Variants in MOCS1 observed in about 807,000 individuals in gnomAD.
MOCS1 encodes molybdenum cofactor synthesis 1.
In MOCS1, 39 loss-of-function variants were observed where a neutral mutation model predicts 57.6. The ratio of observed to expected loss-of-function variants is 0.68; its 90% CI spans 0.52 to 0.88. MOCS1 has a LOEUF of 0.88. Among genes scored for constraint, MOCS1 ranks in the 40% least tolerant of loss-of-function variants. The pLI is 0.00. For synonymous variants in MOCS1, 334 were observed against 335.7 expected, an observed-to-expected ratio of 1.00 and a Z score of 0.05; for missense variants, 795 against 831.1, an observed-to-expected ratio of 0.96 and a Z score of 0.53.
intron 1 of MOCS1, chr6:39,927,722 A>T (rs968760328): frequency 2.0e-6 from 3 of 1,528,142 alleles, no homozygotes; most frequent in Admixed American, 2.0e-5. Flanking sequence ...CTGGCTGGGC[A>T]GCAAGGTGGA....
Position 39,905,052 on chromosome 6 carries a change from G to T in MOCS1, c.*1305C>A, listed in dbSNP as rs7744483. The T allele has an allele frequency of 4.6e-5, 21 of 454,126 alleles. No homozygotes were observed. Among genetic ancestry groups the T allele is most frequent in the African/African-American group, 4.2e-4 (21 of 50,106 alleles). The allele number at this position is 454,126 out of a possible 1,614,324, so 28.1% of individuals were successfully genotyped here. A position where few individuals can be genotyped will look rare whatever the true frequency, so the allele number is the denominator to read the frequency against. ...CATGGGAGTATTTATATCACAAATT[G>T]TCTTTTCCAGAGAGCTGGTTGTTTA... On this transcript the variant is annotated 3_prime_UTR_variant, in exon 11 of 11. Coordinates refer to ENST00000340692, the MANE Select transcript of MOCS1 (RefSeq NM_001358530.2).
At chr6:39,918,159 G>A (rs1767768014) in intron 3 of MOCS1, among the ~76,000 whole-genome samples, 1 of 152,176 alleles carries the variant, frequency 6.6e-6, no homozygotes, top group South Asian at 2.1e-4. Flanking sequence ...AATTTTAGCT[G>A]ACCTTTGCTA....
In MOCS1 at chr6:39,904,605, G is replaced by C. The variant is rs1291765153; in HGVS notation, c.*1752C>G. On this transcript the variant is annotated 3_prime_UTR_variant, in exon 11 of 11. Transcript: ENST00000340692. ...AATAAAGTGTTTAGGGCAGTGGGAG[G>C]AGAAAATTCTCCAGGTGAATGGGGA... 8.8e-6 allele frequency: 4 copies of C among 454,166 alleles called. No individual in the cohort carries two copies. The East Asian group carries it at 2.8e-4, about 32-fold the overall frequency. 28.1% of individuals were successfully genotyped at this position (454,166 alleles called of 1,614,324 possible). A position where few individuals can be genotyped will look rare whatever the true frequency, so the allele number is the denominator to read the frequency against.
rs1562090649 is a variant in MOCS1, at chr6:39,913,802, G to T, written c.617C>A (p.Ala206Asp). Residue 206 changes from alanine to aspartate, a missense_variant, in exon 5 of 11, where the codon GCC becomes GAC. Physicochemically the swap from Ala to Asp is moderately radical, Grantham distance 126. Around this residue, in one of 3 missense-constraint regions of MOCS1, gnomAD observed 416 missense variants for 392.4 expected, o/e 1.06. Coordinates refer to ENST00000340692, the MANE Select transcript of MOCS1 (RefSeq NM_001358530.2). ...FHKVMEGIHK[A>D]IELGYNPVKV... ...CACAGGGTTGTAGCCCAGCTCGATG[G>T]CCTTGTGGATGCCCTCCATGACCTT... The T allele has an allele frequency of 1.2e-6, 2 of 1,614,192 alleles. No individual in the cohort carries two copies. Among genetic ancestry groups the T allele is most frequent in the South Asian group, 2.2e-5 (2 of 91,080 alleles).
intron 3 of MOCS1, among the ~76,000 whole-genome samples, chr6:39,917,982 CAAG>C (rs1395616912): frequency 6.6e-6 from 1 of 152,104 alleles, no homozygotes; most frequent in African/African-American, 2.4e-5. Flanking sequence ...CATTCAAATC[CAAG>C]AAGATCTAGA....
rs2149391480 is a variant in MOCS1, at chr6:39,904,702, C to T, written c.*1655G>A. 2 of 454,106 alleles carry T rather than the reference C, an allele frequency of 4.4e-6. No homozygotes were observed. The highest frequency in any genetic ancestry group is 4.0e-5 in the African/African-American group (2 of 50,102). 28.1% of individuals were successfully genotyped at this position (454,106 alleles called of 1,614,324 possible). On this transcript the variant is annotated 3_prime_UTR_variant, in exon 11 of 11. Coordinates refer to ENST00000340692, the MANE Select transcript of MOCS1 (RefSeq NM_001358530.2). Reference sequence around the variant, plus strand: ...TGGGGAACTGTGACTATCTATCTCCCCCGACTTCTACCAGGGATGCCTTCA... The same window carrying T: ...TGGGGAACTGTGACTATCTATCTCCTCCGACTTCTACCAGGGATGCCTTCA...
chr6:39,923,244 T>A (rs756057894), intron 3 of MOCS1, among the ~76,000 whole-genome samples: 1 of 152,134 alleles, frequency 6.6e-6, no homozygotes, highest in Non-Finnish European at 1.5e-5. Flanking sequence ...CCAGGGCCAA[T>A]AACCACAGAA....
intron 3 of MOCS1, among the ~76,000 whole-genome samples, chr6:39,919,454 C>T (rs1438059113): frequency 6.6e-6 from 1 of 151,954 alleles, no homozygotes; most frequent in Non-Finnish European, 1.5e-5. Flanking sequence ...TGTCATTGCA[C>T]TCCAGCCTGG....
chr6:39,934,402 G>A lies in MOCS1; in HGVS notation c.16C>T (p.Leu6=). The change falls in exon 1 of 11, where the codon CTG becomes TTG. Residue 6 remains leucine, a synonymous_variant. Coordinates refer to ENST00000340692, the MANE Select transcript of MOCS1 (RefSeq NM_001358530.2). ...AGAAGCCGCCGCAGCATCCGGGACA[G>A]TGGCCGCGCCGCCATGAAGCCTGAT... The part of the protein sequence containing the change: MAARP[L]SRMLRRLLRS... The A allele has an allele frequency of 6.4e-7, 1 of 1,566,204 alleles. No individual in the cohort carries two copies. The highest frequency in any genetic ancestry group is 8.6e-7 in the Non-Finnish European group (1 of 1,161,116).
chr6:39,906,562 T>C lies in MOCS1; in HGVS notation c.1706A>G (p.Asp569Gly), dbSNP rs1234637011. ...LSHIQVQLEL[D>G]STRHAVKIQA... The stretch of plus-strand genomic sequence containing the variant: ...GATCTTCACGGCATGGCGTGTGCTG[T>C]CCAGCTCCAGCTGCACCTGGATGTG... The change falls in exon 11 of 11, where the codon GAC becomes GGC. Residue 569 changes from aspartate (D) to glycine (G), a missense_variant. Asp to Gly is a moderately conservative substitution (Grantham distance 94, BLOSUM62 -1). Coordinates refer to ENST00000340692, the MANE Select transcript of MOCS1 (RefSeq NM_001358530.2). 6.2e-7 allele frequency: 1 copy of C among 1,613,802 alleles called. No individual in the cohort carries two copies. Among genetic ancestry groups the C allele is most frequent in the East Asian group, 2.2e-5 (1 of 44,884 alleles).
chr6:39,931,486 G>A (rs1768640922), intron 1 of MOCS1, among the ~76,000 whole-genome samples: 1 of 152,116 alleles, frequency 6.6e-6, no homozygotes, highest in Admixed American at 6.6e-5. Flanking sequence ...CCAACAAAGA[G>A]CCTAGCCTAG....
At chr6:39,931,004 A>G (rs1345818734) in intron 1 of MOCS1, among the ~76,000 whole-genome samples, 1 of 152,204 alleles carries the variant, frequency 6.6e-6, no homozygotes, top group African/African-American at 2.4e-5. Flanking sequence ...CTAGTTTGTC[A>G]GCTTCCCTTC....
intron 3 of MOCS1, 43 bp downstream of exon 3, chr6:39,925,635 A>C (rs1768234439): frequency 1.2e-5 from 20 of 1,610,720 alleles, no homozygotes; most frequent in Non-Finnish European, 1.7e-5. Flanking sequence ...CAGCCGGATG[A>C]GGCAGCGCTG....
intron 2 of MOCS1, among the ~76,000 whole-genome samples, chr6:39,926,053 T>C (rs1937223406): frequency 6.6e-6 from 1 of 152,232 alleles, no homozygotes; most frequent in Admixed American, 6.5e-5. Context: ...CGTTAACACC[T>C]TTCCCTATGC....
intron 8 of MOCS1, 39 bp downstream of exon 8, chr6:39,912,225 G>C (rs1454688137): frequency 1.4e-6 from 2 of 1,450,144 alleles, no homozygotes; most frequent in South Asian, 1.1e-5. Context: ...TGAGAACACA[G>C]AGGTGGCAAG....
chr6:39,907,000 A>C lies in MOCS1; in HGVS notation c.1268T>G (p.Leu423Ter). Reference protein sequence around the residue: ...RMSFSSQVATLWKGCRVPQTP... With the variant: ...RMSFSSQVAT ...CTGGGGGACCCTGCATCCTTTCCAT[A>C]AAGTGGCCACCTGGCTGGAGAAACT... Residue 423 changes from leucine (L) to a stop codon, truncating the protein, a stop_gained, in exon 11 of 11, where the codon TTA (leucine) becomes TGA (stop). Transcript: ENST00000340692. LOFTEE classifies it high-confidence loss of function. 1 of 1,613,906 alleles carries C rather than the reference A, an allele frequency of 6.2e-7. No homozygotes were observed. The highest frequency in any genetic ancestry group is 8.5e-7 in the Non-Finnish European group (1 of 1,179,922).
At chr6:39,931,439 G>A (rs561842768) in intron 1 of MOCS1, among the ~76,000 whole-genome samples, 27 of 152,254 alleles carry the variant, frequency 1.8e-4, no homozygotes, top group African/African-American at 5.1e-4. Context: ...TGTATACTAA[G>A]GGTCTCTTAA....
rs574721812 is a variant in MOCS1, at chr6:39,906,554, G to A, written c.1714C>T (p.Arg572Cys). Residue 572 changes from arginine to cysteine, a missense_variant, in exon 11 of 11, where the codon CGC (arginine) becomes TGC (cysteine). By Grantham distance (180) the Arg-to-Cys change is radical. This residue lies in a region of MOCS1 where 374 missense variants were observed against 422.6 expected (regional missense o/e 0.89). Coordinates refer to ENST00000340692, the MANE Select transcript of MOCS1 (RefSeq NM_001358530.2). ...GATGCCTGGATCTTCACGGCATGGC[G>A]TGTGCTGTCCAGCTCCAGCTGCACC... ...IQVQLELDSTRHAVKIQASCR... is the reference protein window; with the variant it reads ...IQVQLELDSTCHAVKIQASCR... 75 of 1,613,752 alleles carry A rather than the reference G, an allele frequency of 4.6e-5. No homozygotes were observed. Among genetic ancestry groups the A allele is most frequent in the East Asian group, 2.9e-4 (13 of 44,886 alleles).
At position 39,913,768 on chromosome 6, in the gene MOCS1, C is replaced by A. The variant is rs1767487620; in HGVS notation, c.645+6G>T. 1.9e-6 allele frequency: 3 copies of A among 1,613,996 alleles called. No individual in the cohort carries two copies. The highest frequency in any genetic ancestry group is 2.5e-6 in the Non-Finnish European group (3 of 1,179,988). On this transcript the variant is annotated splice_donor_region_variant and intron_variant, in intron 5 of 10. Coordinates refer to ENST00000340692, the MANE Select transcript of MOCS1 (RefSeq NM_001358530.2). ...TCGGGAATCTACGGCAGGGGCACGG[C>A]CTCACCTTCACAGGGTTGTAGCCCA...
Sources: gnomAD v4.1 joint callset for allele counts (sites outside exome capture counted in the v4.1 genomes callset) on GRCh38, gnomAD v4.1.1 for gene constraint, gnomAD v4.1.1 regional missense constraint, MANE v1.5 for transcripts, NCBI Gene and HGNC (gene_info 2026-07-23, HGNC 2026-07-21) for gene names.